The following TTN variants were observed in gnomAD, a reference collection of about 807,000 sequenced individuals.
TTN encodes titin.
Under a neutral mutation model 3,223.0 loss-of-function variants are expected in TTN, and 1,525 were observed. The ratio of observed to expected loss-of-function variants is 0.47; its 90% CI spans 0.45 to 0.49. The LOEUF is 0.49. TTN is among the 20% of genes least tolerant of loss of function. The pLI is 0.00. For synonymous variants in TTN, 14,094 were observed against 15,161.0 expected, an observed-to-expected ratio of 0.93 and a Z score of 5.17; for missense variants, 40,786 against 43,424.0, an observed-to-expected ratio of 0.94 and a Z score of 5.40.
rs774989128 is a variant in TTN, at chr2:178,712,124, C to T, written c.27706G>A (p.Val9236Ile). Residue 9236 changes from valine to isoleucine, a missense_variant, in exon 96 of 363, where the codon GTA (valine) becomes ATA (isoleucine). Coordinates refer to ENST00000589042, the MANE Select transcript of TTN (RefSeq NM_001267550.2). ...TTTGTATCTCCTTTATACCAGGATA[C>T]CCCAATTTCAGGGGTTCCAGCAAGC... Reference protein sequence around the residue: ...CQLAGTPEIGVSWYKGDTKLR... With the variant: ...CQLAGTPEIGISWYKGDTKLR... The T allele has an allele frequency of 6.2e-6, 10 of 1,613,772 alleles. No homozygotes were observed. Among genetic ancestry groups the T allele is most frequent in the Admixed American group, 1.7e-5 (1 of 59,986 alleles).
At position 178,612,963 on chromosome 2, in the gene TTN, A is replaced by C. The variant is rs72677247; in HGVS notation, c.49758T>G (p.Tyr16586Ter). Residue 16586 changes from tyrosine (Y) to a stop codon, truncating the protein, a stop_gained, in exon 265 of 363, where the codon TAT (tyrosine) becomes TAG (stop). Transcript: ENST00000589042. LOFTEE classifies it high-confidence loss of function. ...EHDGGAKIES[Y>*]VIEMLKTGTD... ...TTCCAGTCTTCAGCATTTCAATGAC[A>C]TAAGACTCAATCTTTGCACCTCCAT... 6.2e-7 allele frequency: 1 copy of C among 1,612,730 alleles called. No individual in the cohort carries two copies. Among genetic ancestry groups the C allele is most frequent in the Non-Finnish European group, 8.5e-7 (1 of 1,179,262 alleles).
intron 132 of TTN, 63 bp from the exon 133 acceptor site, chr2:178,684,145 A>G: frequency 6.4e-7 from 1 of 1,560,738 alleles, no homozygotes; most frequent in South Asian, 1.1e-5. Context: ...AAAGGCAGCC[A>G]TAAAGTAGTA....
Position 178,724,112 on chromosome 2 carries a change from T to G in TTN, c.21147A>C (p.Arg7049Ser), listed in dbSNP as rs2078919390. The G allele has an allele frequency of 1.2e-6, 2 of 1,612,530 alleles. No homozygotes were observed. The highest frequency in any genetic ancestry group is 8.5e-7 in the Non-Finnish European group (1 of 1,178,968). ...DRAVPPSFTR[R>S]LKNTGGVLGA... ...CTAACACCCCACCAGTATTTTTCAG[T>G]CTTCGTGTGAAAGAGGGAGGAACTG... The change falls in exon 73 of 363, where the codon AGA (arginine) becomes AGC (serine). Residue 7049 changes from arginine (R) to serine (S), a missense_variant. Coordinates refer to ENST00000589042, the MANE Select transcript of TTN (RefSeq NM_001267550.2).
At position 178,586,739 on chromosome 2, in the gene TTN, A is replaced by G. The variant is rs1333849447; in HGVS notation, c.64162T>C (p.Leu21388=). ...GCACCTCCATCACGTAGGGGAGGTA[A>G]CCAGGCTAAGGTGGCACTGTTCTTG... ...MTKNSATLAW[L]PPLRDGGAKI... is the part of the protein sequence containing the mutation. The change falls in exon 308 of 363, where the codon TTA becomes CTA. Residue 21388 remains leucine (L), a synonymous_variant. Transcript: ENST00000589042. 10 of 1,613,014 alleles carry G rather than the reference A, an allele frequency of 6.2e-6. No homozygotes were observed. The highest frequency in any genetic ancestry group is 8.5e-6 in the Non-Finnish European group (10 of 1,179,370).
chr2:178,526,208 G>A lies in TTN; in HGVS notation c.*804C>T, dbSNP rs1262460976. 1.3e-5 allele frequency: 2 copies of A among 152,448 alleles called. No individual in the cohort carries two copies. The highest frequency in any genetic ancestry group is 6.6e-5 in the Admixed American group (1 of 15,246). 9.4% of individuals were successfully genotyped at this position (152,448 alleles called of 1,614,324 possible). A position where few individuals can be genotyped will look rare whatever the true frequency, so the allele number is the denominator to read the frequency against. ...TTGCTTAGGTGCCCAGGTTTTTCAG[G>A]TGCAATTAAAATTTAGAACTACCAC... On this transcript the variant is annotated 3_prime_UTR_variant, in exon 363 of 363. Transcript: ENST00000589042.
Position 178,576,880 on chromosome 2 carries a change from C to T in TTN, c.69412+43G>A. The stretch of plus-strand genomic sequence containing the variant: ...GAAATCCATGATTTCCTAAACTCTG[C>T]TATAAATGTTTCCATGTCAATTCCC... On this transcript the variant is annotated intron_variant, in intron 324 of 362. Coordinates refer to ENST00000589042, the MANE Select transcript of TTN (RefSeq NM_001267550.2). This position sits in a 1 kb window ranked among gnomAD's most constrained non-coding sequence, Gnocchi z 4.3. The T allele has an allele frequency of 1.9e-6, 3 of 1,605,830 alleles. No homozygotes were observed. The highest frequency in any genetic ancestry group is 2.5e-6 in the Non-Finnish European group (3 of 1,177,400).
chr2:178,745,748 C>G (rs746166300), intron 47 of TTN: 1 of 1,612,788 alleles, frequency 6.2e-7, no homozygotes, highest in South Asian at 1.1e-5. Context: ...GACTAATTTT[C>G]CATCTTTGTA....
chr2:178,582,243 C>A (rs746157106), intron 314 of TTN, 35 bp from the exon 315 acceptor site: 2 of 1,578,744 alleles, frequency 1.3e-6, no homozygotes, highest in Admixed American at 4.1e-5. Context: ...ATTTCCCAGG[C>A]TAAAAGATAA....
intron 294 of TTN, 117 bp downstream of exon 294, chr2:178,597,421 A>T: frequency 8.4e-7 from 1 of 1,195,018 alleles, no homozygotes; most frequent in Non-Finnish European, 1.2e-6. Context: ...CAACATGATT[A>T]TGGGTGATTT....
At position 178,601,140 on chromosome 2, in the gene TTN, A is replaced by G; in HGVS notation, c.55764T>C (p.Ile18588=). Residue 18588 remains isoleucine (I), a synonymous_variant, in exon 288 of 363, where the codon ATT becomes ATC. Coordinates refer to ENST00000589042, the MANE Select transcript of TTN (RefSeq NM_001267550.2). ...GCACTGTGTTCTTTGTGATGAGGCC[A>G]ATCTTGAGTTTAATAGGAGGATCAG... ...YPPDPPIKLK[I]GLITKNTVHL... is the part of the protein sequence containing the mutation. 1 of 1,551,138 alleles carries G rather than the reference A, an allele frequency of 6.4e-7. No homozygotes were observed. The highest frequency in any genetic ancestry group is 8.7e-7 in the Non-Finnish European group (1 of 1,152,554).
chr2:178,571,325 C>T lies in TTN; in HGVS notation c.74807G>A (p.Gly24936Glu). The T allele has an allele frequency of 2.5e-6, 4 of 1,613,444 alleles. No homozygotes were observed. The highest frequency in any genetic ancestry group is 3.4e-6 in the Non-Finnish European group (4 of 1,179,604). ...ATGATAGCCAATGACTCTACTTCCTCCATCACTGATTGGCTCATTCCATTG... is the reference window on the plus strand; with the variant it reads ...ATGATAGCCAATGACTCTACTTCCTTCATCACTGATTGGCTCATTCCATTG... ...EVQWNEPISD[G>E]GSRVIGYHLE... Residue 24936 changes from glycine (G) to glutamate (E), a missense_variant, in exon 326 of 363, where the codon GGA (glycine) becomes GAA (glutamate). Transcript: ENST00000589042.
intron 15 of TTN, 23 bp from the exon 16 acceptor site, chr2:178,784,374 A>C: frequency 6.2e-7 from 1 of 1,613,442 alleles, no homozygotes; most frequent in Non-Finnish European, 8.5e-7. Context: ...AGAGTCAGAA[A>C]ATAAAGTCAT....
At position 178,547,729 on chromosome 2, in the gene TTN, A is replaced by G. The variant is rs1301215901; in HGVS notation, c.93897T>C (p.Phe31299=). The part of the protein sequence containing the change: ...TLENTAGVKT[F]SVTVVVIGRP... ...TTCCAATGACCACAACTGTGACGCT[A>G]AATGTTTTAACACCAGCTGTATTTT... The change falls in exon 339 of 363, where the codon TTT becomes TTC. Residue 31299 remains phenylalanine (F), a synonymous_variant. Transcript: ENST00000589042. The G allele has an allele frequency of 6.2e-7, 1 of 1,613,782 alleles. No homozygotes were observed. Among genetic ancestry groups the G allele is most frequent in the Non-Finnish European group, 8.5e-7 (1 of 1,179,852 alleles).
At position 178,553,160 on chromosome 2, in the gene TTN, T is replaced by C; in HGVS notation, c.89740A>G (p.Ile29914Val). Residue 29914 changes from isoleucine to valine, a missense_variant, in exon 335 of 363, where the codon ATA (isoleucine) becomes GTA (valine). By Grantham distance (29) the Ile-to-Val change is conservative. Transcript: ENST00000589042. ...RNDTGKYILT[I>V]ENGVGEPKSS... The stretch of plus-strand genomic sequence containing the variant: ...TTAGGTTCACCAACTCCATTTTCTA[T>C]TGTGAGAATATATTTTCCTGTATCA... 1 of 1,613,526 alleles carries C rather than the reference T, an allele frequency of 6.2e-7. No individual in the cohort carries two copies. The highest frequency in any genetic ancestry group is 8.5e-7 in the Non-Finnish European group (1 of 1,179,530).
intron 47 of TTN, chr2:178,746,265 G>T (rs182516675): frequency 6.2e-7 from 1 of 1,612,042 alleles, no homozygotes. Context: ...AAGCGAGGAG[G>T]CATTTCAAAT....
At position 178,684,968 on chromosome 2, in the gene TTN, A is replaced by G. The variant is rs2154275114; in HGVS notation, c.32492T>C (p.Ile10831Thr). 8 of 1,606,868 alleles carry G rather than the reference A, an allele frequency of 5.0e-6. No homozygotes were observed. Among genetic ancestry groups the G allele is most frequent in the Non-Finnish European group, 6.8e-6 (8 of 1,176,162 alleles). The change falls in exon 130 of 363, where the codon ATT becomes ACT. Residue 10831 changes from isoleucine (I) to threonine (T), a missense_variant. Coordinates refer to ENST00000589042, the MANE Select transcript of TTN (RefSeq NM_001267550.2). ...PAKVPEAPKK[I>T]VPEKKVPAPV... ...AGCAGGAACTTTCTTTTCTGGCACA[A>G]TTTTCTTAGGTGCTTCAGGAACTTT...
Position 178,528,658 on chromosome 2 carries a change from A to G in TTN, c.107093T>C (p.Leu35698Pro), listed in dbSNP as rs794729570. 1.1e-5 allele frequency: 18 copies of G among 1,613,046 alleles called. No individual in the cohort carries two copies. The African/African-American group carries it at 1.6e-4, about 14-fold the overall frequency. The change falls in exon 360 of 363, where the codon CTC (leucine) becomes CCC (proline). Residue 35698 changes from leucine (L) to proline (P), a missense_variant. Physicochemically the swap from Leu to Pro is moderately conservative, Grantham distance 98. Coordinates refer to ENST00000589042, the MANE Select transcript of TTN (RefSeq NM_001267550.2). ...CQYDLTLSKELSDAPAFISQP... is the reference protein window; with the variant it reads ...CQYDLTLSKEPSDAPAFISQP... Reference sequence around the variant, plus strand: ...TGAGATGAAGGCTGGAGCATCTGAGAGTTCTTTGCTCAGTGTCAAATCATA... The same window carrying G: ...TGAGATGAAGGCTGGAGCATCTGAGGGTTCTTTGCTCAGTGTCAAATCATA...
rs1060500434 is a variant in TTN at position 178,740,158 on chromosome 2, A to G, written c.13075T>C (p.Ser4359Pro). Residue 4359 changes from serine (S) to proline (P), a missense_variant, in exon 48 of 363, where the codon TCT becomes CCT. Physicochemically the swap from Ser to Pro is moderately conservative, Grantham distance 74. Coordinates refer to ENST00000589042, the MANE Select transcript of TTN (RefSeq NM_001267550.2). Reference sequence around the variant, plus strand: ...TTTATTGCCACGGGCTCTCTTTTAGACTCAATGATTTGGTCTGGGGGCATC... The same window carrying G: ...TTTATTGCCACGGGCTCTCTTTTAGGCTCAATGATTTGGTCTGGGGGCATC... Reference protein sequence around the residue: ...VVMPPDQIIESKREPVAIKKV... With the variant: ...VVMPPDQIIEPKREPVAIKKV... The G allele has an allele frequency of 6.2e-7, 1 of 1,613,582 alleles. No homozygotes were observed. The highest frequency in any genetic ancestry group is 8.5e-7 in the Non-Finnish European group (1 of 1,179,754).
In TTN at chr2:178,651,507, C is replaced by T. The variant is rs747566528; in HGVS notation, c.39493G>A (p.Glu13165Lys). ...GGAACCACCAGAGGCACCTTCTTTT[C>T]AGGAACAACCTCCTTGGGCACCTCG... Reference protein sequence around the residue: ...VPEVPKEVVPEKKVPLVVPKK... With the variant: ...VPEVPKEVVPKKKVPLVVPKK... The change falls in exon 207 of 363, where the codon GAA becomes AAA. Residue 13165 changes from glutamate to lysine, a missense_variant. Transcript: ENST00000589042. 3.8e-5 allele frequency: 62 copies of T among 1,612,850 alleles called. No homozygotes were observed. The Admixed American group carries it at 9.7e-4, about 25-fold the overall frequency.
Sources: gnomAD v4.1 joint callset for allele counts on GRCh38, gnomAD v4.1.1 for gene constraint, Gnocchi (gnomAD v3.1) non-coding constraint, MANE v1.5 for transcripts, NCBI Gene and HGNC (gene_info 2026-07-23, HGNC 2026-07-21) for gene names.